DNAJC6: variants seen among roughly 807,000 people sequenced by gnomAD.
DNAJC6 encodes the protein auxilin.
In DNAJC6, 34 loss-of-function variants were observed where a neutral mutation model predicts 110.0. That is an observed-to-expected ratio of 0.31 (90% CI 0.24 to 0.41). The LOEUF is 0.41. Among genes scored for constraint, DNAJC6 ranks in the 10% least tolerant of loss-of-function variants. The pLI is 1.00. For synonymous variants in DNAJC6, 406 were observed against 437.2 expected, an observed-to-expected ratio of 0.93 and a Z score of 0.89; for missense variants, 1,031 against 1,207.8, an observed-to-expected ratio of 0.85 and a Z score of 2.17.
rs76475324 is a variant in DNAJC6 at position 65,267,312 on chromosome 1, A to G, written c.-131+2380A>G. On this transcript the variant is annotated intron_variant, in intron 1 of 19. Transcript: ENST00000263441. ...CATTTGTGACCTAGGACAGGACTCT[A>G]TTTCTTTGGGTCTCAGTTTCTTTAT... is the stretch of plus-strand genomic sequence containing the variant. Among the ~76,000 whole-genome samples the G allele has an allele frequency of 1.2e-4, 18 of 152,218 alleles. No homozygotes were observed. The East Asian group carries it at 3.1e-3, about 26-fold the overall frequency.
intron 1 of DNAJC6, among the ~76,000 whole-genome samples, chr1:65,355,197 AGGTTGCAGTGAGCCAAGATT>A (rs1446974598): frequency 7.2e-6 from 1 of 139,566 alleles, no homozygotes; most frequent in Non-Finnish European, 1.5e-5. Flanking sequence ...TGGGAGGCGG[AGGTTGCAGTGAGCCAAGATT>A]GGGCCACTGC....
chr1:65,347,405 CTTT>C (rs898237039), intron 1 of DNAJC6, among the ~76,000 whole-genome samples: 1 of 144,382 alleles, frequency 6.9e-6, no homozygotes, highest in Admixed American at 7.0e-5. Flanking sequence ...TGTAGATTTT[CTTT>C]TTTTTTTTTA....
In DNAJC6 at chr1:65,357,860, T is replaced by G. The variant is rs113764206; in HGVS notation, c.194-6775T>G. 6.0e-3 allele frequency among the ~76,000 whole-genome samples: 908 copies of G among 152,256 alleles called. 5 individuals are homozygous for G. The highest frequency in any genetic ancestry group is 0.02 in the African/African-American group (818 of 41,560). On this transcript the variant is annotated intron_variant, in intron 1 of 18. Coordinates refer to ENST00000371069, the MANE Select transcript of DNAJC6 (RefSeq NM_001256864.2). ...TAGCATAGCACTTGGCTCTTTATTT[T>G]ATGTAACATATTTTTAATTGTAAAA... is the stretch of plus-strand genomic sequence containing the variant.
intron 11 of DNAJC6, among the ~76,000 whole-genome samples, 199 bp from the exon 12 acceptor site, chr1:65,392,232 C>T (rs779741113): frequency 6.6e-6 from 1 of 152,208 alleles, no homozygotes; most frequent in Non-Finnish European, 1.5e-5. Flanking sequence ...CTATGCTCTA[C>T]TGCCTCTCAG....
chr1:65,284,152 C>A (rs929786176), intron 1 of DNAJC6, among the ~76,000 whole-genome samples: 1 of 152,160 alleles, frequency 6.6e-6, no homozygotes, highest in Non-Finnish European at 1.5e-5. Flanking sequence ...TGTTACAGCT[C>A]CTGGGCAGTC....
chr1:65,353,323 CT>C lies in DNAJC6; in HGVS notation c.194-11307del, dbSNP rs573035013. Reference sequence around the variant, plus strand: ...TTATTATTATTTCATAATGCAGAGCCTTTTTATTTGGTCCACATGTTGAAGA... The same window carrying C: ...TTATTATTATTTCATAATGCAGAGCCTTTTATTTGGTCCACATGTTGAAGA... On this transcript the variant is annotated intron_variant, in intron 1 of 18. Coordinates refer to ENST00000371069, the MANE Select transcript of DNAJC6 (RefSeq NM_001256864.2). Among the ~76,000 whole-genome samples the C allele has an allele frequency of 1.8e-4, 28 of 152,218 alleles. 1 individual carries two copies. The East Asian group carries it at 5.2e-3, about 28-fold the overall frequency.
chr1:65,315,940 C>T (rs1645144885), intron 1 of DNAJC6, among the ~76,000 whole-genome samples: 1 of 151,644 alleles, frequency 6.6e-6, no homozygotes, highest in South Asian at 2.1e-4. Flanking sequence ...TTTTTTAATC[C>T]CATGAAAGTA....
intron 12 of DNAJC6, among the ~76,000 whole-genome samples, chr1:65,393,841 C>A (rs1296567585): frequency 1.3e-5 from 2 of 152,066 alleles, no homozygotes; most frequent in Admixed American, 1.3e-4. Context: ...GTATCCTTCC[C>A]AGAAGGCTCT....
chr1:65,320,617 C>G (rs999600884), intron 1 of DNAJC6, among the ~76,000 whole-genome samples: 1 of 152,180 alleles, frequency 6.6e-6, no homozygotes, highest in Non-Finnish European at 1.5e-5. Context: ...ATAAATGTCT[C>G]CTGGCTGCCT....
upstream of DNAJC6, among the ~76,000 whole-genome samples, chr1:65,308,348 GTCCC>G (rs1645064089): frequency 6.6e-6 from 1 of 152,174 alleles, no homozygotes; most frequent in Admixed American, 6.5e-5. Flanking sequence ...GCCTCACTTA[GTCCC>G]TCCAAGTTTT....
At chr1:65,343,989 G>T (rs536380610) in intron 1 of DNAJC6, among the ~76,000 whole-genome samples, 3 of 152,280 alleles carry the variant, frequency 2.0e-5, no homozygotes, top group African/African-American at 7.2e-5. Context: ...GGTATTATCT[G>T]TGGTTTCAGA....
intron 1 of DNAJC6, among the ~76,000 whole-genome samples, chr1:65,294,985 G>T (rs1004513227): frequency 5.3e-5 from 8 of 152,108 alleles, no homozygotes; most frequent in African/African-American, 1.9e-4. Flanking sequence ...CTTTTATTTA[G>T]GCATCTGAAG....
At chr1:65,373,572 G>A (rs7540891) in intron 4 of DNAJC6, among the ~76,000 whole-genome samples, 37,868 of 150,546 alleles carry the variant, frequency 0.25, 8,191 homozygotes, top group East Asian at 0.61. Context: ...CCATTTCTAT[G>A]TCTTCTTTGG....
At chr1:65,271,563 G>A (rs186907980) in intron 1 of DNAJC6, among the ~76,000 whole-genome samples, 119 of 152,078 alleles carry the variant, frequency 7.8e-4, no homozygotes, top group African/African-American at 2.6e-3. Context: ...TTATTCCTGG[G>A]ATGTAGAAAT....
chr1:65,331,367 TG>T (rs568550471), intron 1 of DNAJC6, among the ~76,000 whole-genome samples: 168 of 152,370 alleles, frequency 1.1e-3, no homozygotes, highest in African/African-American at 3.9e-3. Context: ...GCCATTTATT[TG>T]GGGCTTACTA....
At chr1:65,309,542 C>G (rs868404743), upstream of DNAJC6, 95 of 1,225,960 alleles carry the variant, frequency 7.7e-5, no homozygotes, top group Non-Finnish European at 8.6e-5. Flanking sequence ...CCCGGCGCCC[C>G]GAGCCGAGCT....
At chr1:65,401,958 C>A in intron 15 of DNAJC6, 78 bp downstream of exon 15, 1 of 1,577,020 alleles carries the variant, frequency 6.3e-7, no homozygotes, top group Non-Finnish European at 8.6e-7. Context: ...TTTGGTGTTA[C>A]AGCAAGCTGG....
intron 5 of DNAJC6, 103 bp from the exon 6 acceptor site, chr1:65,384,090 G>A (rs1388005657): frequency 2.2e-5 from 28 of 1,299,532 alleles, no homozygotes; most frequent in South Asian, 2.6e-5. Context: ...CAGTTAAGAG[G>A]ATTTCTCCTC....
intron 11 of DNAJC6, among the ~76,000 whole-genome samples, chr1:65,390,544 A>G (rs546417951): frequency 6.6e-6 from 1 of 152,166 alleles, no homozygotes; most frequent in Non-Finnish European, 1.5e-5. Context: ...ATCAATACCC[A>G]TTGGCTATCC....
Sources: allele counts gnomAD v4.1 joint callset (sites outside exome capture counted in the v4.1 genomes callset), GRCh38; gene constraint gnomAD v4.1.1; transcripts MANE v1.5; gene names NCBI Gene and HGNC (gene_info 2026-07-23, HGNC 2026-07-21).